RASA1: variants seen among roughly 807,000 people sequenced by gnomAD.
RASA1 encodes RAS p21 protein activator 1.
RASA1 carries 25 observed loss-of-function variants against 132.2 expected under a neutral mutation model. The ratio of observed to expected loss-of-function variants is 0.19; its 90% CI spans 0.14 to 0.26. RASA1 has a LOEUF of 0.26. Ranked by LOEUF, RASA1 falls within the 10% of genes least tolerant of loss-of-function variation. The pLI, the probability that RASA1 is intolerant of heterozygous loss-of-function variation, is 1.00. For synonymous variants in RASA1, 477 were observed against 449.9 expected (o/e 1.06, Z -0.76); for missense variants, 964 against 1,299.2 (o/e 0.74, Z 3.97).
chr5:87,311,659 G>A (rs1273888239), intron 1 of RASA1, among the ~76,000 whole-genome samples: 8 of 152,208 alleles, frequency 5.3e-5, no homozygotes, highest in African/African-American at 9.6e-5. Context: ...CACGTGTCAA[G>A]TATTGCCAAC....
At chr5:87,344,618 C>T (rs1269463968) in intron 6 of RASA1, among the ~76,000 whole-genome samples, 5 of 151,916 alleles carry the variant, frequency 3.3e-5, no homozygotes, top group African/African-American at 4.8e-5. Flanking sequence ...ATCTTCCTGC[C>T]TGAGCCTCCC....
intron 1 of RASA1, among the ~76,000 whole-genome samples, chr5:87,300,073 G>A (rs992328228): frequency 1.3e-5 from 2 of 152,104 alleles, no homozygotes; most frequent in African/African-American, 2.4e-5. Flanking sequence ...TGCTTATTAA[G>A]AGTTAAGCGG....
In RASA1 at chr5:87,268,833, C is replaced by T. The variant is rs778144192; in HGVS notation, c.382C>T (p.Leu128Phe). ...GCCCACTTCGTTGCTTGCTGAGACTCTCGGGCCAGGCGGCGGTTTTCCCCC... is the reference window on the plus strand; with the variant it reads ...GCCCACTTCGTTGCTTGCTGAGACTTTCGGGCCAGGCGGCGGTTTTCCCCC... Reference protein sequence around the residue: ...KLPTSLLAETLGPGGGFPPLP... With the variant: ...KLPTSLLAETFGPGGGFPPLP... Residue 128 changes from leucine to phenylalanine, a missense_variant, in exon 1 of 25, where the codon CTC (leucine) becomes TTC (phenylalanine). Coordinates refer to ENST00000274376, the MANE Select transcript of RASA1 (RefSeq NM_002890.3). 1 of 1,614,130 alleles carries T rather than the reference C, an allele frequency of 6.2e-7. No individual in the cohort carries two copies. Among genetic ancestry groups the T allele is most frequent in the South Asian group, 1.1e-5 (1 of 91,086 alleles).
rs140233941 is a variant in RASA1, at chr5:87,382,252, A to G, written c.2691-1461A>G. Among the ~76,000 whole-genome samples the G allele has an allele frequency of 2.7e-3, 407 of 152,240 alleles. 5 individuals carry two copies. The highest frequency in any genetic ancestry group is 8.5e-3 in the East Asian group (44 of 5,178). On this transcript the variant is annotated intron_variant, in intron 20 of 24. Transcript: ENST00000274376. ...AGGCATGAGCCACCATGCCCAGCCA[A>G]TATATTAGAATTTCTATAAATGCTG...
intron 1 of RASA1, 76 bp downstream of exon 1, chr5:87,269,066 C>CT (rs1425382514): frequency 6.2e-7 from 1 of 1,613,938 alleles, no homozygotes; most frequent in African/African-American, 1.3e-5. Context: ...GTAAATCATA[C>CT]TTTGTCCTTT....
chr5:87,340,470 T>G (rs1758354510), intron 5 of RASA1, among the ~76,000 whole-genome samples: 1 of 152,056 alleles, frequency 6.6e-6, no homozygotes, highest in Admixed American at 6.6e-5. Flanking sequence ...CAGTGAGTGT[T>G]TGATTTTAGT....
At chr5:87,304,227 AACATTTCTGTATTCTT>A (rs900644821) in intron 1 of RASA1, among the ~76,000 whole-genome samples, 11 of 152,152 alleles carry the variant, frequency 7.2e-5, no homozygotes, top group African/African-American at 2.7e-4. Context: ...TTCTACTTTC[AACATTTCTGTATTCTT>A]ACATTTAAGA....
At chr5:87,297,319 A>AT (rs1164538696) in intron 1 of RASA1, among the ~76,000 whole-genome samples, 2 of 151,998 alleles carry the variant, frequency 1.3e-5, no homozygotes, top group Non-Finnish European at 1.5e-5. Context: ...ATGTCTTGTA[A>AT]TTTTTTATTG....
intron 1 of RASA1, among the ~76,000 whole-genome samples, chr5:87,329,447 C>CA: frequency 6.6e-6 from 1 of 151,720 alleles, no homozygotes; most frequent in East Asian, 1.9e-4. Context: ...CGTCTTAAAA[C>CA]AAAACAAAAC....
intron 9 of RASA1, among the ~76,000 whole-genome samples, chr5:87,359,989 T>C (rs574594150): frequency 1.3e-5 from 2 of 152,208 alleles, no homozygotes; most frequent in Admixed American, 6.5e-5. Flanking sequence ...TGAAATCAGA[T>C]ACTTGTCTAA....
chr5:87,293,304 C>T (rs886973762), intron 1 of RASA1, among the ~76,000 whole-genome samples: 5 of 151,222 alleles, frequency 3.3e-5, no homozygotes, highest in African/African-American at 7.3e-5. Context: ...ATTTGCTCAG[C>T]GTTTTAGTCA....
intron 13 of RASA1, among the ~76,000 whole-genome samples, chr5:87,373,078 G>T (rs1761066244): frequency 6.6e-6 from 1 of 152,084 alleles, no homozygotes; most frequent in Non-Finnish European, 1.5e-5. Context: ...GTTGTATTTT[G>T]TGTGAAACTT....
chr5:87,306,616 GA>G (rs1002375358), intron 1 of RASA1, among the ~76,000 whole-genome samples: 49 of 148,336 alleles, frequency 3.3e-4, no homozygotes, highest in Admixed American at 1.6e-3. Context: ...CTTAAAAGTT[GA>G]AAAAAAAAAT....
chr5:87,294,265 G>A (rs1755025449), intron 1 of RASA1: 1 of 152,214 alleles, frequency 6.6e-6, no homozygotes, highest in Non-Finnish European at 1.5e-5. Flanking sequence ...ACTGATCTGT[G>A]TTTTGACCTG....
intron 20 of RASA1, among the ~76,000 whole-genome samples, chr5:87,381,111 A>T (rs1174195449): frequency 1.3e-5 from 2 of 152,204 alleles, no homozygotes; most frequent in South Asian, 4.1e-4. Context: ...AAGGGACTTC[A>T]TTATCATTAT....
intron 1 of RASA1, chr5:87,318,494 CTT>C (rs1756517140): frequency 6.5e-6 from 1 of 153,592 alleles, no homozygotes; most frequent in Non-Finnish European, 1.4e-5. Flanking sequence ...CCTCAGGAAT[CTT>C]ACAGTCATGG....
At chr5:87,287,554 TATATACACCATAC>T (rs1317773481) in intron 1 of RASA1, among the ~76,000 whole-genome samples, 2 of 145,948 alleles carry the variant, frequency 1.4e-5, no homozygotes, top group Admixed American at 1.4e-4. Context: ...ACACACCATA[TATATACACCATAC>T]ATATACACAC....
Position 87,268,280 on chromosome 5 carries a change from G to A in RASA1, c.-172G>A. On this transcript the variant is annotated 5_prime_UTR_variant, in exon 1 of 25. Coordinates refer to ENST00000274376, the MANE Select transcript of RASA1 (RefSeq NM_002890.3). ...TAACCCAGGCAGCTGGGGAGCCTGG[G>A]CTGTGGCCCTAGGAGGGGGCGCGGC... 1 of 969,668 alleles carries A rather than the reference G, an allele frequency of 1.0e-6. No individual in the cohort carries two copies. Among genetic ancestry groups the A allele is most frequent in the Non-Finnish European group, 1.5e-6 (1 of 678,764 alleles). 60.1% of individuals were successfully genotyped at this position (969,668 alleles called of 1,614,324 possible). A position where few individuals can be genotyped will look rare whatever the true frequency, so the allele number is the denominator to read the frequency against.
chr5:87,358,116 C>G (rs1759792414), intron 9 of RASA1, among the ~76,000 whole-genome samples: 1 of 152,084 alleles, frequency 6.6e-6, no homozygotes, highest in African/African-American at 2.4e-5. Flanking sequence ...CCTCATCTTC[C>G]AATGAGGTGA....
Sources: gnomAD v4.1 joint callset for allele counts (sites outside exome capture counted in the v4.1 genomes callset) on GRCh38, gnomAD v4.1.1 for gene constraint, MANE v1.5 for transcripts, NCBI Gene and HGNC (gene_info 2026-07-23, HGNC 2026-07-21) for gene names.